Variants in TMEM220 observed in about 807,000 individuals in gnomAD.
TMEM220 encodes transmembrane protein 220.
Under a neutral mutation model 21.7 loss-of-function variants are expected in TMEM220, and 21 were observed. The observed-to-expected ratio is 0.97, with a 90% CI of 0.69 to 1.39. The LOEUF (loss-of-function observed/expected upper bound fraction) is 1.39, where lower values mean the gene tolerates loss of function less well. Ranked by LOEUF, TMEM220 falls within the 40% of genes most tolerant of loss-of-function variation. The probability of loss-of-function intolerance (pLI) is 0.00; values close to 1 mark genes in which losing one functional copy is unlikely to be tolerated. For missense variants in TMEM220, 191 were observed against 201.9 expected (o/e 0.95, Z 0.33); for synonymous variants, 80 against 73.6 (o/e 1.09, Z -0.45).
rs1280690074 is a variant in TMEM220 at position 10,729,937 on chromosome 17, C to G, written c.-86G>C. 8.1e-7 allele frequency: 1 copy of G among 1,234,014 alleles called. No homozygotes were observed. The highest frequency in any genetic ancestry group is 4.2e-5 in the Admixed American group (1 of 23,624). 76.4% of individuals were successfully genotyped at this position (1,234,014 alleles called of 1,614,324 possible). A position where few individuals can be genotyped will look rare whatever the true frequency, so the allele number is the denominator to read the frequency against. On this transcript the variant is annotated 5_prime_UTR_variant, in exon 1 of 6. Coordinates refer to ENST00000341871, the MANE Select transcript of TMEM220 (RefSeq NM_001004313.3). ...CACGTACGGTCCGCCTTCCTCCTTG[C>G]GCGGAGGGACCGAGACCCCCGCCTC... is the stretch of plus-strand genomic sequence containing the variant.
chr17:10,729,618 G>T (rs1411176442), intron 1 of TMEM220, among the ~76,000 whole-genome samples, 162 bp downstream of exon 1: 1 of 152,130 alleles, frequency 6.6e-6, no homozygotes. Context: ...TCTCTTAGAC[G>T]GGGGAGAAAG....
intron 5 of TMEM220, among the ~76,000 whole-genome samples, chr17:10,721,604 CAAAAAAAAAAAAAAAGAAAAAAAGA>C (rs2074990186): frequency 2.8e-5 from 1 of 35,836 alleles, no homozygotes; most frequent in African/African-American, 1.4e-4. Flanking sequence ...GACTCTGTCT[CAAAAAAAAAAAAAAAGAAAAAAAGA>C]AAAAAAAGAA....
rs574338208 is a variant in TMEM220, at chr17:10,714,068, A to T, written c.*1385T>A. 2.1e-4 allele frequency: 32 copies of T among 152,354 alleles called. No individual in the cohort carries two copies. The highest frequency in any genetic ancestry group is 7.5e-4 in the African/African-American group (31 of 41,592). The allele number at this position is 152,354 out of a possible 1,614,324, so 9.4% of individuals were successfully genotyped here. On this transcript the variant is annotated 3_prime_UTR_variant, in exon 6 of 6. Coordinates refer to ENST00000341871, the MANE Select transcript of TMEM220 (RefSeq NM_001004313.3). Reference sequence around the variant, plus strand: ...AACAGAAATGCAATGTAAGCCACGTAAATAAAAGTAAACAGAAACAGATAA... The same window carrying T: ...AACAGAAATGCAATGTAAGCCACGTTAATAAAAGTAAACAGAAACAGATAA...
At position 10,713,869 on chromosome 17, in the gene TMEM220, A is replaced by G. The variant is rs2074875417; in HGVS notation, c.*1584T>C. ...GTAATAAAGACAATAAAAATAGACA[A>G]ACTACCAGACTCATTTACACTCTCC... On this transcript the variant is annotated 3_prime_UTR_variant, in exon 6 of 6. Coordinates refer to ENST00000341871, the MANE Select transcript of TMEM220 (RefSeq NM_001004313.3). The G allele has an allele frequency of 6.6e-6, 1 of 152,210 alleles. No individual in the cohort carries two copies. Among genetic ancestry groups the G allele is most frequent in the South Asian group, 2.1e-4 (1 of 4,834 alleles). The allele number at this position is 152,210 out of a possible 1,614,324, so 9.4% of individuals were successfully genotyped here. A position where few individuals can be genotyped will look rare whatever the true frequency, so the allele number is the denominator to read the frequency against.
At chr17:10,729,661 G>T in intron 1 of TMEM220, 119 bp downstream of exon 1, 1 of 856,602 alleles carries the variant, frequency 1.2e-6, no homozygotes, top group Non-Finnish European at 1.6e-6. Context: ...CCCAAGTCCC[G>T]TCCTCCCCAC....
chr17:10,726,890 G>A (rs976751481), intron 2 of TMEM220, among the ~76,000 whole-genome samples: 1 of 152,178 alleles, frequency 6.6e-6, no homozygotes, highest in African/African-American at 2.4e-5. Flanking sequence ...ACTTACTATT[G>A]TGTGTGTTGT....
rs966958295 is a variant in TMEM220 at position 10,713,534 on chromosome 17, G to A, written c.*1919C>T. ...ACTTGGTCAATGGATAGAGCCCACA[G>A]GGAATTTGCAAATGAGTCTGTTTTT... On this transcript the variant is annotated 3_prime_UTR_variant, in exon 6 of 6. Transcript: ENST00000341871. 7.3e-6 allele frequency: 1 copy of A among 137,474 alleles called. No individual in the cohort carries two copies. The highest frequency in any genetic ancestry group is 2.9e-5 in the African/African-American group (1 of 34,280). The allele number at this position is 137,474 out of a possible 1,614,324, so 8.5% of individuals were successfully genotyped here.
chr17:10,720,025 G>A (rs966021365), intron 5 of TMEM220, among the ~76,000 whole-genome samples: 5 of 152,142 alleles, frequency 3.3e-5, no homozygotes, highest in Non-Finnish European at 7.3e-5. Context: ...CTTTCTCAAC[G>A]ATCCGATTAG....
Position 10,729,789 on chromosome 17 carries a change from G to C in TMEM220, c.63C>G (p.Ala21=). 1 of 1,413,690 alleles carries C rather than the reference G, an allele frequency of 7.1e-7. No homozygotes were observed. Among genetic ancestry groups the C allele is most frequent in the South Asian group, 1.4e-5 (1 of 69,158 alleles). 87.6% of individuals were successfully genotyped at this position (1,413,690 alleles called of 1,614,324 possible). Residue 21 remains alanine (A), a synonymous_variant, in exon 1 of 6, where the codon GCC becomes GCG. Transcript: ENST00000341871. ...GLMAAFFALA[A]LVQVNDPDAE... ...ACCGCGGCCGCCTGACCTGCACCAA[G>C]GCCGCCAGCGCGAAGAAGGCGGCCA... is the stretch of plus-strand genomic sequence containing the variant.
intron 5 of TMEM220, 133 bp downstream of exon 5, chr17:10,723,137 C>A: frequency 1.3e-6 from 1 of 763,280 alleles, no homozygotes; most frequent in South Asian, 1.5e-5. Flanking sequence ...CGTGCCACCA[C>A]ACAGGGCTAA....
rs1000274791 is a variant in TMEM220, at chr17:10,729,786, C to G, written c.66G>C (p.Leu22Phe). The G allele has an allele frequency of 2.8e-6, 4 of 1,413,396 alleles. No homozygotes were observed. The allele number at this position is 1,413,396 out of a possible 1,614,324, so 87.6% of individuals were successfully genotyped here. A position where few individuals can be genotyped will look rare whatever the true frequency, so the allele number is the denominator to read the frequency against. Residue 22 changes from leucine to phenylalanine, a missense_variant, in exon 1 of 6, where the codon TTG becomes TTC. Transcript: ENST00000341871. ...LMAAFFALAA[L>F]VQVNDPDAEV... ...CCCACCGCGGCCGCCTGACCTGCAC[C>G]AAGGCCGCCAGCGCGAAGAAGGCGG...
chr17:10,723,361 A>G lies in TMEM220; in HGVS notation c.288-32T>C, dbSNP rs78760812. On this transcript the variant is annotated intron_variant, in intron 4 of 5. Coordinates refer to ENST00000341871, the MANE Select transcript of TMEM220 (RefSeq NM_001004313.3). Reference sequence around the variant, plus strand: ...AAGGGTGTACATTTCAGATTTTGGAAGTGGCTACAAGTGAGATGCATATCA... The same window carrying G: ...AAGGGTGTACATTTCAGATTTTGGAGGTGGCTACAAGTGAGATGCATATCA... 1,132 of 1,560,612 alleles carry G rather than the reference A, an allele frequency of 7.3e-4. 15 individuals are homozygous for G. In the East Asian group the frequency reaches 0.019, roughly 26 times the overall value.
intron 5 of TMEM220, among the ~76,000 whole-genome samples, chr17:10,717,590 G>A (rs765766529): frequency 6.6e-6 from 1 of 152,158 alleles, no homozygotes; most frequent in Admixed American, 6.5e-5. Flanking sequence ...TTTTCCATCT[G>A]TGGTCATGAG....
At chr17:10,720,424 A>G (rs970591331) in intron 5 of TMEM220, among the ~76,000 whole-genome samples, 2 of 152,234 alleles carry the variant, frequency 1.3e-5, no homozygotes, top group Non-Finnish European at 2.9e-5. Context: ...GTGGAATACA[A>G]CTGTGTACAA....
intron 5 of TMEM220, among the ~76,000 whole-genome samples, chr17:10,718,063 C>T (rs972999851): frequency 6.6e-6 from 1 of 152,118 alleles, no homozygotes; most frequent in African/African-American, 2.4e-5. Context: ...CTCAGGTGAT[C>T]CGCCCACCTC....
At chr17:10,727,973 C>T (rs1023602259) in intron 2 of TMEM220, among the ~76,000 whole-genome samples, 17 of 152,096 alleles carry the variant, frequency 1.1e-4, no homozygotes, top group Non-Finnish European at 2.2e-4. Flanking sequence ...CCAGCTTGAC[C>T]AACATGGAGA....
At chr17:10,718,477 T>C (rs1172327024) in intron 5 of TMEM220, among the ~76,000 whole-genome samples, 3 of 152,170 alleles carry the variant, frequency 2.0e-5, no homozygotes, top group Non-Finnish European at 2.9e-5. Context: ...GTTTATTTTC[T>C]TGTTTCTTTG....
At chr17:10,727,665 G>C (rs1285535182) in intron 2 of TMEM220, among the ~76,000 whole-genome samples, 4 of 152,148 alleles carry the variant, frequency 2.6e-5, no homozygotes, top group Admixed American at 2.0e-4. Context: ...GATCTGGATA[G>C]TAAATATCAG....
intron 5 of TMEM220, chr17:10,716,200 C>A: frequency 1.1e-6 from 1 of 879,144 alleles, no homozygotes; most frequent in Non-Finnish European, 1.8e-6. Flanking sequence ...AATAAGGGAA[C>A]CAATTTTTGA....
Sources: gnomAD v4.1 joint callset for allele counts (sites outside exome capture counted in the v4.1 genomes callset) on GRCh38, gnomAD v4.1.1 for gene constraint, MANE v1.5 for transcripts, NCBI Gene and HGNC (gene_info 2026-07-23, HGNC 2026-07-21) for gene names.